Variants in ABHD3 observed in about 807,000 individuals in gnomAD.
ABHD3 encodes phospholipase ABHD3.
ABHD3 carries 46 observed loss-of-function variants against 48.8 expected under a neutral mutation model. The observed-to-expected ratio is 0.94, with a 90% CI of 0.74 to 1.20. The LOEUF (loss-of-function observed/expected upper bound fraction) is 1.20. Among genes scored for constraint, ABHD3 ranks in the 50% most tolerant of loss-of-function variants. The pLI is 0.00. For missense variants in ABHD3, 490 were observed against 497.8 expected (o/e 0.98, Z 0.15); for synonymous variants, 192 against 183.7 (o/e 1.04, Z -0.36).
At chr18:21,684,311 CTTTTT>C (rs564516602) in intron 3 of ABHD3, among the ~76,000 whole-genome samples, 4 of 82,816 alleles carry the variant, frequency 4.8e-5, no homozygotes, top group South Asian at 4.9e-4. Context: ...AATGTTTTTG[CTTTTT>C]TTTTTTTTTT....
chr18:21,675,314 G>A (rs1406501438), intron 4 of ABHD3, among the ~76,000 whole-genome samples: 1 of 145,034 alleles, frequency 6.9e-6, no homozygotes. Flanking sequence ...TGTTGCCCAG[G>A]CTGGAGTGCA....
chr18:21,663,802 G>C, intron 5 of ABHD3: 2 of 1,533,454 alleles, frequency 1.3e-6, no homozygotes, highest in Non-Finnish European at 1.7e-6. Flanking sequence ...GGGATGGCTG[G>C]GAGTGCGTCA....
intron 4 of ABHD3, among the ~76,000 whole-genome samples, chr18:21,668,214 A>AAAAAG (rs1174773495): frequency 6.6e-6 from 1 of 150,450 alleles, no homozygotes; most frequent in African/African-American, 2.4e-5. Flanking sequence ...AAAAAAAAAA[A>AAAAAG]AAAAAAGAAA....
intron 4 of ABHD3, chr18:21,682,393 G>C (rs1476176618): frequency 6.6e-6 from 1 of 152,170 alleles, no homozygotes; most frequent in African/African-American, 2.4e-5. Flanking sequence ...ATCCAACTCA[G>C]AACGCTACCT....
At chr18:21,665,026 CCT>C (rs2039589719) in intron 4 of ABHD3, among the ~76,000 whole-genome samples, 1 of 151,804 alleles carries the variant, frequency 6.6e-6, no homozygotes, top group Non-Finnish European at 1.5e-5. Flanking sequence ...CTCACTGCAA[CCT>C]CTGCCTCCCA....
intron 4 of ABHD3, among the ~76,000 whole-genome samples, chr18:21,669,902 G>A (rs2039718421): frequency 6.6e-6 from 1 of 152,122 alleles, no homozygotes; most frequent in African/African-American, 2.4e-5. Context: ...GGATGTGAGT[G>A]CCAGCAGTTC....
Position 21,650,932 on chromosome 18 carries a change from G to A in ABHD3, c.*659C>T, listed in dbSNP as rs1369888953. 1.3e-5 allele frequency: 2 copies of A among 151,964 alleles called. No individual in the cohort carries two copies. Among genetic ancestry groups the A allele is most frequent in the African/African-American group, 4.8e-5 (2 of 41,366 alleles). 9.4% of individuals were successfully genotyped at this position (151,964 alleles called of 1,614,324 possible). ...ATGGTAGAATTTATTTTAATATAAT[G>A]ATATATATGTGTCCACATATACTAT... On this transcript the variant is annotated 3_prime_UTR_variant, in exon 9 of 9. Coordinates refer to ENST00000289119, the MANE Select transcript of ABHD3 (RefSeq NM_138340.5).
At chr18:21,700,393 A>T (rs1054582734) in intron 3 of ABHD3, among the ~76,000 whole-genome samples, 4 of 131,890 alleles carry the variant, frequency 3.0e-5, no homozygotes, top group African/African-American at 1.2e-4. Context: ...CCTGGCCCAA[A>T]TTTTTTTGTT....
intron 4 of ABHD3, among the ~76,000 whole-genome samples, chr18:21,681,299 C>T (rs959428517): frequency 6.6e-6 from 1 of 152,118 alleles, no homozygotes; most frequent in Admixed American, 6.6e-5. Flanking sequence ...TTCTAAATTT[C>T]CTATTTCAGC....
intron 6 of ABHD3, among the ~76,000 whole-genome samples, chr18:21,657,794 A>C (rs930137647): frequency 6.6e-6 from 1 of 152,204 alleles, no homozygotes; most frequent in Non-Finnish European, 1.5e-5. Flanking sequence ...AATAAAGATT[A>C]TAGCATTGCG....
chr18:21,698,028 C>G (rs1282027437), intron 3 of ABHD3, among the ~76,000 whole-genome samples: 2 of 152,054 alleles, frequency 1.3e-5, no homozygotes, highest in Non-Finnish European at 2.9e-5. Context: ...GACAGGATGG[C>G]AAGTGCACCC....
intron 8 of ABHD3, among the ~76,000 whole-genome samples, chr18:21,655,957 G>C (rs146660927): frequency 0.042 from 6,277 of 150,972 alleles, 447 homozygotes; most frequent in African/African-American, 0.14. Context: ...AGGAGTTTGA[G>C]ACCAGCCTGG....
At chr18:21,665,524 A>G (rs1179983577) in intron 4 of ABHD3, among the ~76,000 whole-genome samples, 1 of 152,054 alleles carries the variant, frequency 6.6e-6, no homozygotes, top group East Asian at 1.9e-4. Context: ...TTTATTAAAA[A>G]ACAAACAAGC....
intron 3 of ABHD3, among the ~76,000 whole-genome samples, chr18:21,692,873 C>CTCT (rs1466548388): frequency 3.1e-4 from 47 of 152,294 alleles, no homozygotes; most frequent in African/African-American, 1.1e-3. Context: ...AAGCAAAGTG[C>CTCT]TCTAAATTTA....
Position 21,704,615 on chromosome 18 carries a change from G to C in ABHD3, c.51C>G (p.Leu17=), listed in dbSNP as rs1182640738. ...CCACCCGGACTTGGTGTTCCAGGTA[G>C]AGGGAGAGCTCCCGGGACAACATCC... is the stretch of plus-strand genomic sequence containing the variant. ...DLRMLSRELS[L]YLEHQVRVGF... Residue 17 remains leucine, a synonymous_variant, in exon 1 of 9, where the codon CTC becomes CTG. Transcript: ENST00000289119. 1 of 1,553,214 alleles carries C rather than the reference G, an allele frequency of 6.4e-7. No individual in the cohort carries two copies. The highest frequency in any genetic ancestry group is 8.7e-7 in the Non-Finnish European group (1 of 1,152,462).
At chr18:21,692,497 A>C (rs566204880) in intron 3 of ABHD3, among the ~76,000 whole-genome samples, 2 of 151,814 alleles carry the variant, frequency 1.3e-5, no homozygotes, top group East Asian at 1.9e-4. Flanking sequence ...CTTGCTGATC[A>C]TAAGTTCTAA....
At chr18:21,659,371 G>A (rs2039431997) in intron 5 of ABHD3, 28 bp from the exon 6 acceptor site, 3 of 1,590,054 alleles carry the variant, frequency 1.9e-6, no homozygotes, top group East Asian at 4.5e-5. Flanking sequence ...AGGAAACTCA[G>A]TGATTAATTT....
intron 3 of ABHD3, among the ~76,000 whole-genome samples, chr18:21,696,428 C>T (rs1445602953): frequency 6.6e-6 from 1 of 151,910 alleles, no homozygotes; most frequent in Admixed American, 6.6e-5. Flanking sequence ...GGATTACAGG[C>T]GTGAGCCACC....
chr18:21,691,582 CT>C (rs1292014749), intron 3 of ABHD3, among the ~76,000 whole-genome samples: 1 of 152,208 alleles, frequency 6.6e-6, no homozygotes, highest in Non-Finnish European at 1.5e-5. Context: ...ATATTATTCA[CT>C]ATTACATGCC....
Sources: gnomAD v4.1 joint callset for allele counts (sites outside exome capture counted in the v4.1 genomes callset) on GRCh38, gnomAD v4.1.1 for gene constraint, MANE v1.5 for transcripts, NCBI Gene and HGNC (gene_info 2026-07-23, HGNC 2026-07-21) for gene names.